INTS14: variants seen among roughly 807,000 people sequenced by gnomAD.
INTS14 encodes UPF0464 protein C15orf44.
In INTS14, 27 loss-of-function variants were observed where a neutral mutation model predicts 56.9. The observed-to-expected ratio is 0.47, with a 90% CI of 0.35 to 0.65. The LOEUF is 0.65. INTS14 is among the 30% of genes least tolerant of loss of function. INTS14 has a pLI of 0.00. For synonymous variants in INTS14, 207 were observed against 236.2 expected (o/e 0.88, Z 1.13); for missense variants, 517 against 632.2 (o/e 0.82, Z 1.95).
Position 65,599,911 on chromosome 15 carries a change from C to T in INTS14, c.349G>A (p.Gly117Ser), listed in dbSNP as rs747057071. ...GACCCTCTACCAATGCCAAGACAGC[C>T]GTCTGTCACCAGGACAACCTGTTTG... ...IPCQVVLVTD[G>S]CLGIGRGSLR... is the part of the protein sequence containing the mutation. Residue 117 changes from glycine (G) to serine (S), a missense_variant, in exon 4 of 12, where the codon GGC becomes AGC. By Grantham distance (56) the Gly-to-Ser change is moderately conservative. Coordinates refer to ENST00000313182, the MANE Select transcript of INTS14 (RefSeq NM_001394796.1). The T allele has an allele frequency of 2.5e-5, 40 of 1,612,832 alleles. No individual in the cohort carries two copies. The Admixed American group carries it at 4.2e-4, about 17-fold the overall frequency.
At position 65,602,544 on chromosome 15, in the gene INTS14, C is replaced by CA. The variant is rs2073476765; in HGVS notation, c.330+2584dup. ...AGGTGATCTGCCCACCTCAGCCTCC[C>CA]AAAGTGTTGGGATTACAGGCGTGAG... On this transcript the variant is annotated intron_variant, in intron 3 of 11. Coordinates refer to ENST00000313182, the MANE Select transcript of INTS14 (RefSeq NM_001394796.1). Among the ~76,000 whole-genome samples the CA allele has an allele frequency of 3.3e-5, 5 of 152,112 alleles. No homozygotes were observed. The South Asian group carries it at 1.0e-3, about 31-fold the overall frequency.
chr15:65,601,067 C>T (rs1236601215), intron 3 of INTS14, among the ~76,000 whole-genome samples: 1 of 152,170 alleles, frequency 6.6e-6, no homozygotes, highest in East Asian at 1.9e-4. Context: ...ATGACAAACT[C>T]TACGCCTGGT....
chr15:65,598,268 A>T, intron 6 of INTS14, 53 bp downstream of exon 6: 2 of 1,547,620 alleles, frequency 1.3e-6, no homozygotes, highest in South Asian at 1.2e-5. Flanking sequence ...CACAAGTCAG[A>T]AGAAAGTAAG....
intron 9 of INTS14, among the ~76,000 whole-genome samples, chr15:65,587,160 C>CAT (rs2072855038): frequency 6.6e-6 from 1 of 151,938 alleles, no homozygotes; most frequent in South Asian, 2.1e-4. Flanking sequence ...ATGAAATAAA[C>CAT]ATATATATAT....
intron 10 of INTS14, among the ~76,000 whole-genome samples, chr15:65,582,983 T>C (rs919725471): frequency 6.6e-6 from 1 of 152,000 alleles, no homozygotes; most frequent in Admixed American, 6.6e-5. Flanking sequence ...AACAAAGACA[T>C]ACCACTTCAC....
chr15:65,591,447 T>C, intron 9 of INTS14, 151 bp downstream of exon 9: 1 of 1,052,688 alleles, frequency 9.5e-7, no homozygotes, highest in Non-Finnish European at 1.3e-6. Flanking sequence ...CAAACTCTCT[T>C]CAAGTTTTCA....
chr15:65,606,176 AC>A (rs1399130699), intron 2 of INTS14, among the ~76,000 whole-genome samples: 1 of 148,344 alleles, frequency 6.7e-6, no homozygotes, highest in Non-Finnish European at 1.5e-5. Flanking sequence ...AATGGCGTGA[AC>A]CCGGGGGGCG....
At chr15:65,610,676 A>G in intron 1 of INTS14, 1 of 1,535,620 alleles carries the variant, frequency 6.5e-7, no homozygotes, top group Non-Finnish European at 8.7e-7. Context: ...CTGAATTTCT[A>G]GTGCCTCACC....
At chr15:65,583,378 TACA>T (rs2072698933) in intron 10 of INTS14, among the ~76,000 whole-genome samples, 1 of 152,210 alleles carries the variant, frequency 6.6e-6, no homozygotes. Flanking sequence ...TGATACATAC[TACA>T]ACATGAATAA....
Position 65,579,380 on chromosome 15 carries a change from A to G in INTS14, c.*28T>C, listed in dbSNP as rs542736272. The stretch of plus-strand genomic sequence containing the variant: ...CTAAAGCATTTTCAGTTGAAATGAA[A>G]AAAGAAGGAAAGCTCCAAAAGTCAG... On this transcript the variant is annotated 3_prime_UTR_variant, in exon 12 of 12. Transcript: ENST00000313182. The G allele has an allele frequency of 1.2e-4, 184 of 1,597,710 alleles. 2 individuals are homozygous for G. The South Asian group carries it at 1.8e-3, about 16-fold the overall frequency.
In INTS14 at chr15:65,591,659, A is replaced by C; in HGVS notation, c.1059T>G (p.Phe353Leu). 1 of 1,614,224 alleles carries C rather than the reference A, an allele frequency of 6.2e-7. No homozygotes were observed. Among genetic ancestry groups the C allele is most frequent in the Non-Finnish European group, 8.5e-7 (1 of 1,180,038 alleles). ...ATGGGAGAGGTTCTGGGCCAGGCTC[A>C]AAGAGAGACATCATGAGGTTTGATT... ...KKKSNLMMSL[F>L]EPGPEPLPWL... is the part of the protein sequence containing the mutation. The change falls in exon 9 of 12, where the codon TTT becomes TTG. Residue 353 changes from phenylalanine to leucine, a missense_variant. Phe to Leu is a conservative substitution (Grantham distance 22). Coordinates refer to ENST00000313182, the MANE Select transcript of INTS14 (RefSeq NM_001394796.1).
intron 1 of INTS14, among the ~76,000 whole-genome samples, chr15:65,608,305 C>T (rs1177020176): frequency 6.9e-6 from 1 of 145,578 alleles, no homozygotes; most frequent in African/African-American, 2.6e-5. Context: ...TGTAGTGAGC[C>T]GAGATCGTGC....
intron 9 of INTS14, chr15:65,586,857 C>T (rs2072844828): frequency 6.6e-6 from 1 of 152,072 alleles, no homozygotes; most frequent in African/African-American, 2.4e-5. Context: ...TTGATCTTCC[C>T]AGTACTGAAG....
intron 10 of INTS14, among the ~76,000 whole-genome samples, chr15:65,583,872 G>A (rs1219837785): frequency 6.6e-6 from 1 of 152,162 alleles, no homozygotes; most frequent in Non-Finnish European, 1.5e-5. Context: ...CCAACAAAGA[G>A]GCCCCTGACA....
intron 9 of INTS14, among the ~76,000 whole-genome samples, chr15:65,587,568 TAA>T (rs1445161092): frequency 6.6e-6 from 1 of 152,166 alleles, no homozygotes; most frequent in Non-Finnish European, 1.5e-5. Flanking sequence ...AAGAACATTA[TAA>T]CTATATTGGG....
intron 10 of INTS14, among the ~76,000 whole-genome samples, chr15:65,583,238 T>C (rs949293817): frequency 1.3e-5 from 2 of 152,140 alleles, no homozygotes; most frequent in Admixed American, 1.3e-4. Context: ...AACTTATACA[T>C]GAATGTTTGT....
chr15:65,595,636 C>T (rs2073183975), intron 7 of INTS14, 97 bp downstream of exon 7: 2 of 942,316 alleles, frequency 2.1e-6, no homozygotes, highest in East Asian at 5.4e-5. Context: ...ATTCCTTTCC[C>T]CTAAATTCTG....
intron 3 of INTS14, among the ~76,000 whole-genome samples, chr15:65,600,229 T>C (rs907158018): frequency 6.6e-6 from 1 of 151,900 alleles, no homozygotes; most frequent in African/African-American, 2.4e-5. Context: ...GAGGATCACT[T>C]GAGCCTGGGA....
intron 9 of INTS14, among the ~76,000 whole-genome samples, chr15:65,590,010 G>C (rs935561458): frequency 2.6e-5 from 4 of 152,058 alleles, no homozygotes; most frequent in Non-Finnish European, 4.4e-5. Context: ...TCAACTAATA[G>C]TACTATCTTT....
Sources: allele counts gnomAD v4.1 joint callset (sites outside exome capture counted in the v4.1 genomes callset), GRCh38; gene constraint gnomAD v4.1.1; transcripts MANE v1.5; gene names NCBI Gene and HGNC (gene_info 2026-07-23, HGNC 2026-07-21).